The following TNR variants were observed in gnomAD, a reference collection of about 807,000 sequenced individuals.
TNR encodes the protein tenascin R.
TNR carries 45 observed loss-of-function variants against 150.4 expected under a neutral mutation model. The observed-to-expected ratio is 0.30, with a 90% CI of 0.24 to 0.38. The LOEUF (loss-of-function observed/expected upper bound fraction) is 0.38. TNR is among the 10% of genes least tolerant of loss of function. The probability of loss-of-function intolerance (pLI) is 1.00; values close to 1 mark genes in which losing one functional copy is unlikely to be tolerated. For synonymous variants in TNR, 687 were observed against 678.4 expected (o/e 1.01, Z -0.20); for missense variants, 1,544 against 1,759.1 (o/e 0.88, Z 2.19).
At chr1:175,519,838 C>A (rs1055969342) in intron 2 of TNR, among the ~76,000 whole-genome samples, 8 of 152,198 alleles carry the variant, frequency 5.3e-5, no homozygotes, top group Non-Finnish European at 1.2e-4. Flanking sequence ...TGACAAGATT[C>A]AACTTACAAA....
At chr1:175,499,208 T>C (rs1057470611) in intron 2 of TNR, among the ~76,000 whole-genome samples, 1 of 152,182 alleles carries the variant, frequency 6.6e-6, no homozygotes. Flanking sequence ...TGCTTCAGAG[T>C]AGAAACTGAA....
At chr1:175,417,963 T>C (rs979523336) in intron 2 of TNR, among the ~76,000 whole-genome samples, 1 of 152,222 alleles carries the variant, frequency 6.6e-6, no homozygotes, top group African/African-American at 2.4e-5. Context: ...ATTTACTTCA[T>C]TGTGTACATT....
chr1:175,704,003 T>C (rs1468574171), intron 1 of TNR, among the ~76,000 whole-genome samples: 1 of 152,218 alleles, frequency 6.6e-6, no homozygotes, highest in Admixed American at 6.5e-5. Flanking sequence ...TGTTATCTTA[T>C]TTTTTACAAT....
intron 2 of TNR, among the ~76,000 whole-genome samples, chr1:175,450,675 A>AT (rs1256068823): frequency 1.3e-5 from 2 of 152,226 alleles, no homozygotes; most frequent in African/African-American, 4.8e-5. Context: ...TGCTCAGCAC[A>AT]TTTTGTCTGA....
At chr1:175,693,543 T>A (rs139525714) in intron 1 of TNR, among the ~76,000 whole-genome samples, 141 of 152,286 alleles carry the variant, frequency 9.3e-4, no homozygotes, top group African/African-American at 3.2e-3. Flanking sequence ...TCCTCTTAGG[T>A]TTCCCAGGAG....
At chr1:175,520,736 C>T (rs1235763824) in intron 2 of TNR, among the ~76,000 whole-genome samples, 1 of 151,948 alleles carries the variant, frequency 6.6e-6, no homozygotes, top group Admixed American at 6.6e-5. Flanking sequence ...ATTTTCTCCC[C>T]TTCTTCTCCT....
At chr1:175,483,461 G>T (rs1303517530) in intron 2 of TNR, among the ~76,000 whole-genome samples, 1 of 152,202 alleles carries the variant, frequency 6.6e-6, no homozygotes. Context: ...AAGAATGGAG[G>T]CCTCTTCACA....
At chr1:175,715,353 G>A (rs1278864300) in intron 1 of TNR, among the ~76,000 whole-genome samples, 1 of 152,116 alleles carries the variant, frequency 6.6e-6, no homozygotes, top group African/African-American at 2.4e-5. Context: ...CCACTCCATG[G>A]CATCTTCATT....
intron 1 of TNR, among the ~76,000 whole-genome samples, chr1:175,722,803 T>C (rs982690558): frequency 6.7e-5 from 10 of 149,678 alleles, no homozygotes; most frequent in African/African-American, 2.5e-4. Flanking sequence ...GCTTCCCCCC[T>C]GCCCCCGAGA....
intron 2 of TNR, among the ~76,000 whole-genome samples, chr1:175,484,592 T>G (rs1355584038): frequency 6.6e-6 from 1 of 152,168 alleles, no homozygotes; most frequent in East Asian, 1.9e-4. Context: ...CTTCCCTTCC[T>G]CAATTGTTTT....
chr1:175,427,752 T>TTCCC (rs1167018959), intron 2 of TNR, among the ~76,000 whole-genome samples: 1 of 136,012 alleles, frequency 7.4e-6, no homozygotes, highest in Admixed American at 7.2e-5. Flanking sequence ...CCTTCCTTCC[T>TTCCC]TCCCTTCTTC....
chr1:175,466,179 AT>A (rs1657028500), intron 2 of TNR, among the ~76,000 whole-genome samples: 1 of 152,182 alleles, frequency 6.6e-6, no homozygotes, highest in Admixed American at 6.5e-5. Flanking sequence ...TATGAGCCTC[AT>A]TTTATACATA....
At chr1:175,440,314 G>A (rs1356627329) in intron 2 of TNR, among the ~76,000 whole-genome samples, 1 of 147,826 alleles carries the variant, frequency 6.8e-6, no homozygotes, top group Non-Finnish European at 1.5e-5. Flanking sequence ...TCATAGGTGG[G>A]AATTGAACAA....
chr1:175,482,293 G>A (rs921541761), intron 2 of TNR, among the ~76,000 whole-genome samples: 2 of 152,178 alleles, frequency 1.3e-5, no homozygotes, highest in Non-Finnish European at 2.9e-5. Context: ...ATGGATACAG[G>A]AAAGTGAAAA....
chr1:175,670,104 T>C (rs908008104), intron 1 of TNR, among the ~76,000 whole-genome samples: 7 of 152,194 alleles, frequency 4.6e-5, no homozygotes, highest in Non-Finnish European at 1.0e-4. Context: ...ACAGGCCACT[T>C]TGAGTTTCCG....
intron 1 of TNR, among the ~76,000 whole-genome samples, chr1:175,715,685 G>C (rs1251820970): frequency 6.6e-6 from 1 of 152,218 alleles, no homozygotes; most frequent in Non-Finnish European, 1.5e-5. Context: ...CCCCTTTAAA[G>C]AGTGGGGGCT....
chr1:175,613,950 G>A (rs757329694), intron 1 of TNR, among the ~76,000 whole-genome samples: 1 of 152,080 alleles, frequency 6.6e-6, no homozygotes, highest in East Asian at 1.9e-4. Context: ...ATATGAACCC[G>A]GTCAAATCCT....
chr1:175,421,177 A>G (rs981215681), intron 2 of TNR, among the ~76,000 whole-genome samples: 1 of 152,160 alleles, frequency 6.6e-6, no homozygotes, highest in Non-Finnish European at 1.5e-5. Context: ...AGTCAAAGCC[A>G]GTCATTGCGG....
chr1:175,393,643 C>A (rs1219391728), intron 6 of TNR, 137 bp downstream of exon 6: 11 of 740,386 alleles, frequency 1.5e-5, no homozygotes, highest in Non-Finnish European at 2.4e-5. Flanking sequence ...TCCCAGACAC[C>A]CACAACATGC....
Sources: allele counts gnomAD v4.1 joint callset (sites outside exome capture counted in the v4.1 genomes callset), GRCh38; gene constraint gnomAD v4.1.1; transcripts MANE v1.5; gene names NCBI Gene and HGNC (gene_info 2026-07-23, HGNC 2026-07-21).